SSH2: variants seen among roughly 807,000 people sequenced by gnomAD.
SSH2 encodes protein phosphatase Slingshot homolog 2.
Under a neutral mutation model 135.2 loss-of-function variants are expected in SSH2, and 37 were observed. The observed-to-expected ratio is 0.27, with a 90% confidence interval of 0.21 to 0.36. The LOEUF is 0.36. Among genes scored for constraint, SSH2 ranks in the 10% least tolerant of loss-of-function variants. The probability of loss-of-function intolerance (pLI) is 1.00; values close to 1 mark genes in which losing one functional copy is unlikely to be tolerated. For missense variants in SSH2, 1,408 were observed against 1,765.3 expected, an observed-to-expected ratio of 0.80 and a Z score of 3.63; for synonymous variants, 628 against 646.2, an observed-to-expected ratio of 0.97 and a Z score of 0.43.
intron 1 of SSH2, among the ~76,000 whole-genome samples, chr17:29,876,561 C>T (rs1328334890): frequency 7.2e-5 from 11 of 151,738 alleles, no homozygotes; most frequent in Admixed American, 7.2e-4. Flanking sequence ...GATGTGATCC[C>T]ATTTGTCCAT....
chr17:29,709,013 T>TAGAGAGAGAGAGAG (rs779414759), intron 3 of SSH2, among the ~76,000 whole-genome samples: 8 of 88,174 alleles, frequency 9.1e-5, no homozygotes, highest in Admixed American at 7.3e-4. Context: ...TATATATATA[T>TAGAGAGAGAGAGAG]ATAGAGAGAG....
At chr17:29,705,413 C>T (rs1384090886) in intron 3 of SSH2, among the ~76,000 whole-genome samples, 3 of 152,124 alleles carry the variant, frequency 2.0e-5, no homozygotes, top group African/African-American at 7.2e-5. Flanking sequence ...TACATCCTCA[C>T]CCATTTTACC....
chr17:29,736,183 G>GT (rs2040358058), intron 3 of SSH2, among the ~76,000 whole-genome samples: 1 of 152,126 alleles, frequency 6.6e-6, no homozygotes, highest in Admixed American at 6.5e-5. Flanking sequence ...AGTACTAGAC[G>GT]TAACAGGATT....
intron 14 of SSH2, among the ~76,000 whole-genome samples, chr17:29,644,352 T>G (rs911361588): frequency 6.6e-6 from 1 of 152,216 alleles, no homozygotes; most frequent in Non-Finnish European, 1.5e-5. Flanking sequence ...CAGAAAGTTA[T>G]TGCTTGCCTC....
At chr17:29,925,430 T>C (rs1216402006) in intron 1 of SSH2, 6 of 398,154 alleles carry the variant, frequency 1.5e-5, no homozygotes, top group South Asian at 1.3e-4. Flanking sequence ...GACTTGAAAA[T>C]TGTAGCCGGT....
intron 1 of SSH2, among the ~76,000 whole-genome samples, chr17:29,910,188 C>G (rs945404492): frequency 1.3e-5 from 2 of 152,094 alleles, no homozygotes; most frequent in African/African-American, 4.8e-5. Context: ...TGAAGCAATC[C>G]TCCTCTCACC....
rs182537495 is a variant in SSH2 at position 29,789,091 on chromosome 17, G to A, written c.188+4803C>T. ...GTTTGTGTTCTAGTATTTTGTGGAA[G>A]GTAGAACTTGCAACAGTGGAATTGG... On this transcript the variant is annotated intron_variant, in intron 3 of 15. Coordinates refer to ENST00000540801, the MANE Select transcript of SSH2 (RefSeq NM_001282129.2). 3.9e-5 allele frequency among the ~76,000 whole-genome samples: 6 copies of A among 152,310 alleles called. No individual in the cohort carries two copies. The East Asian group carries it at 1.2e-3, about 29-fold the overall frequency.
intron 2 of SSH2, among the ~76,000 whole-genome samples, chr17:29,844,785 G>C (rs2043103460): frequency 6.6e-6 from 1 of 152,206 alleles, no homozygotes; most frequent in South Asian, 2.1e-4. Context: ...AGTGGGATCA[G>C]AAAAGGGGCA....
chr17:29,826,037 T>C (rs1437099378), intron 2 of SSH2, among the ~76,000 whole-genome samples: 28 of 152,060 alleles, frequency 1.8e-4, no homozygotes, highest in Admixed American at 1.8e-3. Context: ...TATTAAGATA[T>C]TTTTTCACCT....
intron 3 of SSH2, among the ~76,000 whole-genome samples, chr17:29,711,189 CCACTTAAA>C (rs1218585686): frequency 1.3e-5 from 2 of 152,198 alleles, no homozygotes; most frequent in African/African-American, 2.4e-5. Flanking sequence ...AGCTCATCTT[CCACTTAAA>C]CTCTGTTGCA....
chr17:29,716,651 T>G, intron 3 of SSH2: 1 of 654,536 alleles, frequency 1.5e-6, no homozygotes, highest in Non-Finnish European at 2.9e-6. Context: ...AGAGAACATA[T>G]ATCGGGTGCC....
At chr17:29,783,891 C>A (rs375995396) in intron 3 of SSH2, among the ~76,000 whole-genome samples, 20 of 147,054 alleles carry the variant, frequency 1.4e-4, no homozygotes, top group African/African-American at 4.8e-4. Flanking sequence ...ACGGTGAAAC[C>A]CCGTCTCTAC....
At position 29,919,930 on chromosome 17, in the gene SSH2, A is replaced by G. The variant is rs560114367; in HGVS notation, c.63+10008T>C. On this transcript the variant is annotated intron_variant, in intron 1 of 15. Coordinates refer to ENST00000540801, the MANE Select transcript of SSH2 (RefSeq NM_001282129.2). ...TTTATTTATTTATTTATTTTCTGAG[A>G]CGGAGTTTCCCTCTTGTTGCCCAGG... Among the ~76,000 whole-genome samples the G allele has an allele frequency of 3.3e-5, 5 of 152,170 alleles. No homozygotes were observed. The East Asian group carries it at 9.7e-4, about 29-fold the overall frequency.
chr17:29,636,032 C>A lies in SSH2; in HGVS notation c.2198G>T (p.Ser733Ile). The A allele has an allele frequency of 6.2e-7, 1 of 1,614,176 alleles. No homozygotes were observed. Among genetic ancestry groups the A allele is most frequent in the Non-Finnish European group, 8.5e-7 (1 of 1,180,038 alleles). Residue 733 changes from serine (S) to isoleucine (I), a missense_variant, in exon 15 of 16, where the codon AGC becomes ATC. Around this residue, in one of 3 missense-constraint regions of SSH2, gnomAD observed 1,080 missense variants for 1,144.5 expected, o/e 0.94. Coordinates refer to ENST00000540801, the MANE Select transcript of SSH2 (RefSeq NM_001282129.2). ...PSKVTADDQR[S>I]SSLSNTPHAS... is the part of the protein sequence containing the mutation. ...ATGGGGAGTATTACTCAAAGAGCTG[C>A]TTCTCTGGTCATCAGCTGTCACTTT...
Position 29,820,852 on chromosome 17 carries a change from G to A in SSH2, c.145-26915C>T, listed in dbSNP as rs144017079. On this transcript the variant is annotated intron_variant, in intron 2 of 15. Transcript: ENST00000540801. ...TCCAATACATATGCAGTGCAGATTC[G>A]ATTAAATTCAGCCCCTTGTCACCTC... Among the ~76,000 whole-genome samples, 62 of 152,224 alleles carry A rather than the reference G, an allele frequency of 4.1e-4. 1 individual carries two copies. The East Asian group carries it at 0.01, about 25-fold the overall frequency.
Position 29,666,758 on chromosome 17 carries a change from AAAGT to A in SSH2, c.1032+105_1032+108del, listed in dbSNP as rs1335861133. 42 of 1,074,626 alleles carry A rather than the reference AAAGT, an allele frequency of 3.9e-5. No homozygotes were observed. In the Admixed American group the frequency reaches 8.2e-4, roughly 21 times the overall value. The allele number at this position is 1,074,626 out of a possible 1,614,324, so 66.6% of individuals were successfully genotyped here. ...TTGAGTACTTATCACTTTTGTCTTT[AAAGT>A]AAGTTACATTTTATTTATGTATAAT... is the stretch of plus-strand genomic sequence containing the variant. On this transcript the variant is annotated intron_variant, in intron 11 of 15. Transcript: ENST00000540801.
intron 1 of SSH2, among the ~76,000 whole-genome samples, chr17:29,916,912 G>C (rs1465928852): frequency 1.3e-5 from 2 of 151,856 alleles, no homozygotes; most frequent in African/African-American, 4.8e-5. Flanking sequence ...ATTTGTGTCT[G>C]ATGGAACAAT....
At chr17:29,639,436 G>A (rs1262963511) in intron 14 of SSH2, among the ~76,000 whole-genome samples, 1 of 151,862 alleles carries the variant, frequency 6.6e-6, no homozygotes, top group Non-Finnish European at 1.5e-5. Context: ...CCTGGGCTCC[G>A]GGCCACGCCT....
At chr17:29,921,570 A>G (rs2066976644) in intron 1 of SSH2, among the ~76,000 whole-genome samples, 1 of 152,138 alleles carries the variant, frequency 6.6e-6, no homozygotes, top group African/African-American at 2.4e-5. Context: ...CCATTGATCC[A>G]TGTGTCAAAT....
Sources: gnomAD v4.1 joint callset for allele counts (sites outside exome capture counted in the v4.1 genomes callset) on GRCh38, gnomAD v4.1.1 for gene constraint, gnomAD v4.1.1 regional missense constraint, MANE v1.5 for transcripts, NCBI Gene and HGNC (gene_info 2026-07-23, HGNC 2026-07-21) for gene names.